The following SPATA1 variants were observed in gnomAD, a reference collection of about 807,000 sequenced individuals.
SPATA1 encodes spermatogenesis associated 1, also known as spermatogenesis-associated protein 1.
A neutral mutation model predicts 59.6 loss-of-function variants in SPATA1; 57 were observed. The ratio of observed to expected loss-of-function variants is 0.96; its 90% CI spans 0.77 to 1.19. The LOEUF (loss-of-function observed/expected upper bound fraction) is 1.19, where lower values mean the gene tolerates loss of function less well. Ranked by LOEUF, SPATA1 falls within the 50% of genes most tolerant of loss-of-function variation. The probability of loss-of-function intolerance (pLI) is 0.00; values close to 1 mark genes in which losing one functional copy is unlikely to be tolerated. For synonymous variants in SPATA1, 147 were observed against 163.9 expected (o/e 0.90, Z 0.79); for missense variants, 448 against 480.7 (o/e 0.93, Z 0.64).
chr1:84,525,850 TCAAC>T lies in SPATA1; in HGVS notation c.324_327del (p.Pro109AsnfsTer7). On this transcript the variant is annotated frameshift_variant, in exon 6 of 13. Transcript: ENST00000490879. LOFTEE classifies it high-confidence loss of function. Reference sequence around the variant, plus strand: ...AAATTTCCTATATGTTTTAGGCTCTTCAACCAGAATTATATTTGCTTCCTGTAAT... The same window carrying T: ...AAATTTCCTATATGTTTTAGGCTCTTCAGAATTATATTTGCTTCCTGTAAT... 6.2e-7 allele frequency: 1 copy of T among 1,610,902 alleles called. No individual in the cohort carries two copies. The highest frequency in any genetic ancestry group is 8.5e-7 in the Non-Finnish European group (1 of 1,179,020).
intron 10 of SPATA1, among the ~76,000 whole-genome samples, chr1:84,548,444 T>TA (rs1446943653): frequency 6.7e-6 from 1 of 148,506 alleles, no homozygotes; most frequent in South Asian, 2.1e-4. Flanking sequence ...TTATATATGT[T>TA]ATAGATTACT....
chr1:84,526,072 A>C (rs1313820123), exon 6 of SPATA1: 2 of 1,603,310 alleles, frequency 1.2e-6, no homozygotes, highest in Non-Finnish European at 1.7e-6. Flanking sequence ...ATCAGGAAGA[A>C]GGTGATTTTA....
chr1:84,562,618 C>G (rs1006600271), intron 4 of SPATA1, among the ~76,000 whole-genome samples: 3 of 151,984 alleles, frequency 2.0e-5, no homozygotes, highest in African/African-American at 7.3e-5. Flanking sequence ...CTTTATAATG[C>G]TAAAGGTAAA....
At chr1:84,557,544 A>AG (rs1176279084), downstream of SPATA1, among the ~76,000 whole-genome samples, 9 of 140,066 alleles carry the variant, frequency 6.4e-5, no homozygotes, top group Non-Finnish European at 1.2e-4. Flanking sequence ...AAAAAAAAAA[A>AG]AAAAAAAAAG....
intron 10 of SPATA1, among the ~76,000 whole-genome samples, chr1:84,547,539 A>G (rs1472571436): frequency 6.6e-6 from 1 of 152,204 alleles, no homozygotes; most frequent in African/African-American, 2.4e-5. Context: ...TGAGAATTCA[A>G]TTAAAAAGAG....
chr1:84,553,258 AT>A, exon 13 of SPATA1: 3 of 524,010 alleles, frequency 5.7e-6, no homozygotes, highest in African/African-American at 4.0e-5. Context: ...CCATGTGGGT[AT>A]TACAAAATGT....
chr1:84,551,261 A>T lies in SPATA1; in HGVS notation c.1224+731A>T. The T allele has an allele frequency of 4.1e-6, 4 of 984,590 alleles. No individual in the cohort carries two copies. In the South Asian group the frequency reaches 1.9e-4, roughly 46 times the overall value. The allele number at this position is 984,590 out of a possible 1,614,324, so 61.0% of individuals were successfully genotyped here. ...GAATGCTCTCATTTCTTTATCAGAA[A>T]CAGCTTTATGACACAGAATAATGAC... On this transcript the variant is annotated intron_variant, in intron 12 of 12. Transcript: ENST00000490879.
intron 1 of SPATA1, among the ~76,000 whole-genome samples, chr1:84,507,875 T>C (rs951356349): frequency 1.3e-5 from 2 of 152,040 alleles, no homozygotes; most frequent in Non-Finnish European, 2.9e-5. Flanking sequence ...AAATTGTTGC[T>C]TTTTTATTAA....
At chr1:84,536,165 T>C (rs764585944) in intron 8 of SPATA1, among the ~76,000 whole-genome samples, 3 of 152,220 alleles carry the variant, frequency 2.0e-5, no homozygotes, top group Non-Finnish European at 2.9e-5. Context: ...AAAAATATTA[T>C]TGGAAATAGA....
chr1:84,520,642 AC>A lies in SPATA1; in HGVS notation c.96del (p.Ile33PhefsTer15). On this transcript the variant is annotated frameshift_variant, in exon 3 of 13. Transcript: ENST00000490879. LOFTEE classifies it high-confidence loss of function. ...AGGATCATGGAACTATAAGCTAAAT[AC>A]CATTTCAACAGAAGTTGTTAACAAA... The A allele has an allele frequency of 6.3e-7, 1 of 1,581,508 alleles. No homozygotes were observed. Among genetic ancestry groups the A allele is most frequent in the Non-Finnish European group, 8.6e-7 (1 of 1,165,398 alleles).
intron 8 of SPATA1, among the ~76,000 whole-genome samples, chr1:84,540,507 T>G (rs1345147337): frequency 6.6e-6 from 1 of 152,204 alleles, no homozygotes; most frequent in Non-Finnish European, 1.5e-5. Flanking sequence ...TTTCACTTTT[T>G]TCCCTCCCTT....
rs1259054166 is a variant in SPATA1, at chr1:84,541,979, AT to A, written c.718-2218del. On this transcript the variant is annotated intron_variant, in intron 8 of 12. Coordinates refer to ENST00000490879, the Ensembl canonical transcript of SPATA1. ...TTTTTGTTGTTGTTGTTTTATTTTC[AT>A]TTTTCTTGAGATGGAGTCTCGCTCT... 3.3e-5 allele frequency among the ~76,000 whole-genome samples: 5 copies of A among 151,084 alleles called. No homozygotes were observed. In the East Asian group the frequency reaches 7.8e-4, roughly 23 times the overall value.
At chr1:84,527,364 T>C (rs17110949) in intron 6 of SPATA1, among the ~76,000 whole-genome samples, 27,752 of 152,072 alleles carry the variant, frequency 0.18, 4,871 homozygotes, top group African/African-American at 0.46. Context: ...CCAGTGTGTG[T>C]TCATTTTTAA....
downstream of SPATA1, among the ~76,000 whole-genome samples, chr1:84,558,499 G>C (rs1684520309): frequency 6.6e-6 from 1 of 150,964 alleles, no homozygotes; most frequent in Non-Finnish European, 1.5e-5. Context: ...CACCGTTTTA[G>C]CCGGGATGGT....
At chr1:84,513,213 G>T (rs577963434) in intron 1 of SPATA1, among the ~76,000 whole-genome samples, 4 of 152,142 alleles carry the variant, frequency 2.6e-5, no homozygotes, top group African/African-American at 9.7e-5. Flanking sequence ...TCGGCTCTCC[G>T]CACCCTCCGT....
At position 84,565,848 on chromosome 1, in the gene SPATA1, T is replaced by C; in HGVS notation, n.443-13T>C. The C allele has an allele frequency of 6.5e-7, 1 of 1,531,812 alleles. No individual in the cohort carries two copies. Among genetic ancestry groups the C allele is most frequent in the Non-Finnish European group, 8.8e-7 (1 of 1,142,110 alleles). 94.9% of individuals were successfully genotyped at this position (1,531,812 alleles called of 1,614,324 possible). A position where few individuals can be genotyped will look rare whatever the true frequency, so the allele number is the denominator to read the frequency against. Reference sequence around the variant, plus strand: ...CCATGTTTAGAGTCTTACCAGTTAATGTCTGATTATAGGGAGCATTGGCTG... The same window carrying C: ...CCATGTTTAGAGTCTTACCAGTTAACGTCTGATTATAGGGAGCATTGGCTG... On this transcript the variant is annotated splice_polypyrimidine_tract_variant and intron_variant and non_coding_transcript_variant, in intron 4 of 4. Coordinates refer to the SPATA1 transcript ENST00000460286.
intron 8 of SPATA1, among the ~76,000 whole-genome samples, chr1:84,535,477 A>G (rs1471699586): frequency 1.3e-5 from 2 of 152,132 alleles, no homozygotes; most frequent in Non-Finnish European, 2.9e-5. Flanking sequence ...TGTGAACACA[A>G]TATATTTCTC....
intron 8 of SPATA1, 146 bp from the exon 9 acceptor site, chr1:84,544,056 C>A: frequency 1.6e-6 from 1 of 613,572 alleles, no homozygotes; most frequent in Non-Finnish European, 2.9e-6. Context: ...GGGAGAGAAT[C>A]TGCAGCTATA....
At chr1:84,522,306 G>C in intron 3 of SPATA1, 84 bp from the exon 4 acceptor site, 2 of 706,652 alleles carry the variant, frequency 2.8e-6, no homozygotes, top group Non-Finnish European at 4.3e-6. Flanking sequence ...TTGTGTTTGA[G>C]ATAGCTGACT....
Sources: allele counts gnomAD v4.1 joint callset (sites outside exome capture counted in the v4.1 genomes callset), GRCh38; gene constraint gnomAD v4.1.1; transcripts MANE v1.5; gene names NCBI Gene and HGNC (gene_info 2026-07-23, HGNC 2026-07-21).